The following FBXL13 variants were observed in gnomAD, a reference collection of about 807,000 sequenced individuals.
FBXL13 encodes F-box and leucine rich repeat protein 13.
FBXL13 carries 67 observed loss-of-function variants against 83.6 expected under a neutral mutation model. The ratio of observed to expected loss-of-function variants is 0.80; its 90% CI spans 0.66 to 0.98. The LOEUF (loss-of-function observed/expected upper bound fraction) is 0.98. Ranked by LOEUF, FBXL13 falls within the 50% of genes least tolerant of loss-of-function variation. The probability of loss-of-function intolerance (pLI) is 0.00; values close to 1 mark genes in which losing one functional copy is unlikely to be tolerated. For synonymous variants in FBXL13, 272 were observed against 299.5 expected (o/e 0.91, Z 0.95); for missense variants, 822 against 866.5 (o/e 0.95, Z 0.64).
chr7:102,998,756 C>T (rs953238694), intron 6 of FBXL13, among the ~76,000 whole-genome samples: 3 of 151,812 alleles, frequency 2.0e-5, no homozygotes, highest in African/African-American at 7.3e-5. Context: ...TGTTTGAGCC[C>T]AGGAATTCGA....
At chr7:103,001,131 ATTT>A in intron 6 of FBXL13, among the ~76,000 whole-genome samples, 1 of 145,342 alleles carries the variant, frequency 6.9e-6, no homozygotes, top group South Asian at 2.2e-4. Context: ...TTTTTTTTTG[ATTT>A]TTTTTTTGTA....
intron 2 of FBXL13, among the ~76,000 whole-genome samples, chr7:103,037,875 C>T (rs946873666): frequency 2.6e-5 from 4 of 151,988 alleles, no homozygotes; most frequent in African/African-American, 7.2e-5. Context: ...CAGCTCCCAG[C>T]GAGATCCACG....
At chr7:103,045,981 A>G (rs1796234952) in intron 2 of FBXL13, among the ~76,000 whole-genome samples, 1 of 152,234 alleles carries the variant, frequency 6.6e-6, no homozygotes, top group Non-Finnish European at 1.5e-5. Flanking sequence ...GGCTGCATGC[A>G]AGATTTAAAA....
intron 2 of FBXL13, among the ~76,000 whole-genome samples, chr7:103,035,520 T>C (rs1299877198): frequency 6.6e-6 from 1 of 152,204 alleles, no homozygotes; most frequent in African/African-American, 2.4e-5. Flanking sequence ...AGATACCAAA[T>C]TTATGGCTCT....
intron 17 of FBXL13, among the ~76,000 whole-genome samples, chr7:102,848,692 G>C (rs55737729): frequency 6.8e-6 from 1 of 146,348 alleles, no homozygotes; most frequent in East Asian, 2.1e-4. Context: ...ACCAGATTAA[G>C]AGTATAAAAA....
chr7:103,057,631 T>C (rs1011922076), intron 1 of FBXL13, among the ~76,000 whole-genome samples: 5 of 152,216 alleles, frequency 3.3e-5, no homozygotes, highest in Non-Finnish European at 5.9e-5. Flanking sequence ...TGGGAAACAA[T>C]GGACTTGCTG....
At chr7:102,813,362 T>A (rs1797567298) in exon 20 of FBXL13, 1 of 1,613,332 alleles carries the variant, frequency 6.2e-7, no homozygotes, top group African/African-American at 1.3e-5. Flanking sequence ...TGGTCTTCAC[T>A]GCTGTATGTT....
chr7:102,866,137 G>A (rs1236530257), intron 16 of FBXL13, among the ~76,000 whole-genome samples: 2 of 152,130 alleles, frequency 1.3e-5, no homozygotes, highest in African/African-American at 2.4e-5. Flanking sequence ...GCTTATAGAA[G>A]GAAGGAAAAT....
At chr7:103,074,292 C>T (rs1470518534) in exon 1 of FBXL13, 5 of 1,017,800 alleles carry the variant, frequency 4.9e-6, no homozygotes, top group African/African-American at 1.7e-5. Context: ...GTGCCTACTC[C>T]CTACTTCTGA....
At chr7:102,840,726 A>G (rs1295551266) in intron 17 of FBXL13, among the ~76,000 whole-genome samples, 1 of 152,196 alleles carries the variant, frequency 6.6e-6, no homozygotes, top group African/African-American at 2.4e-5. Flanking sequence ...CTACCAGTCT[A>G]GTGGAAAAAA....
At chr7:102,839,136 T>C (rs527766182) in intron 17 of FBXL13, among the ~76,000 whole-genome samples, 1 of 152,334 alleles carries the variant, frequency 6.6e-6, no homozygotes, top group South Asian at 2.1e-4. Context: ...TTTGTTATTC[T>C]TTACTCCACT....
chr7:102,994,983 C>A (rs964510520), intron 6 of FBXL13, among the ~76,000 whole-genome samples: 1 of 152,308 alleles, frequency 6.6e-6, no homozygotes, highest in African/African-American at 2.4e-5. Flanking sequence ...GAGATTGGCT[C>A]TTTCAGATTC....
At chr7:102,956,435 T>C (rs1271622765) in intron 8 of FBXL13, among the ~76,000 whole-genome samples, 4 of 152,190 alleles carry the variant, frequency 2.6e-5, no homozygotes, top group Admixed American at 2.0e-4. Flanking sequence ...TCATACTGAA[T>C]GGGCAAAATT....
intron 6 of FBXL13, among the ~76,000 whole-genome samples, chr7:103,009,641 C>CA (rs1791378916): frequency 6.6e-6 from 1 of 152,242 alleles, no homozygotes; most frequent in Non-Finnish European, 1.5e-5. Context: ...CCAGCACCAG[C>CA]ACTATAGCCC....
chr7:103,069,034 G>A (rs937525342), intron 1 of FBXL13, among the ~76,000 whole-genome samples: 9 of 151,898 alleles, frequency 5.9e-5, no homozygotes, highest in Non-Finnish European at 1.3e-4. Flanking sequence ...CTGCCCGGCC[G>A]CCCCACCGTC....
At chr7:103,019,578 A>G (rs1222924543) in intron 6 of FBXL13, among the ~76,000 whole-genome samples, 1 of 152,172 alleles carries the variant, frequency 6.6e-6, no homozygotes, top group Admixed American at 6.5e-5. Flanking sequence ...GACGGATAGC[A>G]AGACTCATAA....
chr7:102,917,322 A>G (rs920158376), intron 10 of FBXL13, among the ~76,000 whole-genome samples: 2 of 152,220 alleles, frequency 1.3e-5, no homozygotes, highest in African/African-American at 4.8e-5. Context: ...CATCTATATA[A>G]AAAACAATTG....
chr7:102,864,438 G>A (rs898559936), intron 16 of FBXL13, among the ~76,000 whole-genome samples: 6 of 151,426 alleles, frequency 4.0e-5, no homozygotes, highest in Admixed American at 1.3e-4. Flanking sequence ...GTGCAATTTC[G>A]GCTCACTGCA....
chr7:102,839,911 T>C (rs997348149), intron 17 of FBXL13, among the ~76,000 whole-genome samples: 5 of 152,120 alleles, frequency 3.3e-5, no homozygotes, highest in African/African-American at 1.2e-4. Context: ...CAATATTTTC[T>C]TGTCACACCA....
Sources: gnomAD v4.1 joint callset for allele counts (sites outside exome capture counted in the v4.1 genomes callset) on GRCh38, gnomAD v4.1.1 for gene constraint, MANE v1.5 for transcripts, NCBI Gene and HGNC (gene_info 2026-07-23, HGNC 2026-07-21) for gene names.